MCOLN2: variants seen among roughly 807,000 people sequenced by gnomAD.
MCOLN2 encodes the protein mucolipin-2.
In MCOLN2, 57 loss-of-function variants were observed where a neutral mutation model predicts 67.5. The observed-to-expected ratio is 0.84, with a 90% confidence interval of 0.68 to 1.05. The LOEUF (loss-of-function observed/expected upper bound fraction) is 1.05, where lower values mean the gene tolerates loss of function less well. Ranked by LOEUF, MCOLN2 falls within the 50% of genes least tolerant of loss-of-function variation. The pLI is 0.00. For missense variants in MCOLN2, 620 were observed against 678.8 expected (o/e 0.91, Z 0.96); for synonymous variants, 246 against 233.3 (o/e 1.05, Z -0.50).
intron 3 of MCOLN2, among the ~76,000 whole-genome samples, chr1:84,956,979 G>A (rs645435): frequency 6.6e-6 from 1 of 151,776 alleles, no homozygotes. Context: ...GTACATACCC[G>A]CTCGGTTTAC....
chr1:84,996,738 G>T, intron 1 of MCOLN2, 58 bp downstream of exon 1: 1 of 1,494,754 alleles, frequency 6.7e-7, no homozygotes, highest in East Asian at 2.3e-5. Context: ...TAAAGCCATC[G>T]ACTTTAGGAA....
chr1:84,981,573 G>A (rs1240125878), intron 1 of MCOLN2, among the ~76,000 whole-genome samples: 1 of 152,174 alleles, frequency 6.6e-6, no homozygotes, highest in South Asian at 2.1e-4. Context: ...AATACCGTAT[G>A]TTCTCACTTA....
intron 1 of MCOLN2, among the ~76,000 whole-genome samples, chr1:84,984,429 G>C (rs1172727161): frequency 6.6e-6 from 1 of 151,940 alleles, no homozygotes; most frequent in Non-Finnish European, 1.5e-5. Context: ...AATCTACCTG[G>C]TTGCTTTCTA....
chr1:84,929,113 C>T (rs1333836836), intron 13 of MCOLN2, among the ~76,000 whole-genome samples: 4 of 152,200 alleles, frequency 2.6e-5, no homozygotes, highest in Non-Finnish European at 5.9e-5. Context: ...CTGGTGTGCA[C>T]GGATAAGCAA....
chr1:84,954,696 T>C (rs1278089319), intron 4 of MCOLN2, among the ~76,000 whole-genome samples: 1 of 152,148 alleles, frequency 6.6e-6, no homozygotes, highest in Non-Finnish European at 1.5e-5. Flanking sequence ...GAGCACATAT[T>C]TTAGAAGAAC....
At chr1:84,974,377 G>T (rs1432380234) in intron 1 of MCOLN2, among the ~76,000 whole-genome samples, 1 of 151,546 alleles carries the variant, frequency 6.6e-6, no homozygotes, top group Non-Finnish European at 1.5e-5. Flanking sequence ...CTCCAAAAAA[G>T]ATCCCTTCCT....
intron 4 of MCOLN2, among the ~76,000 whole-genome samples, chr1:84,953,946 C>T (rs1248439793): frequency 6.6e-6 from 1 of 152,124 alleles, no homozygotes; most frequent in Non-Finnish European, 1.5e-5. Flanking sequence ...AAAGTTGGGG[C>T]CTTGTGCAGT....
At chr1:84,941,031 A>G in intron 7 of MCOLN2, 40 bp from the exon 8 acceptor site, 2 of 1,299,134 alleles carry the variant, frequency 1.5e-6, no homozygotes, top group Non-Finnish European at 2.2e-6. Flanking sequence ...AACACACCTT[A>G]CCGGAGAATA....
At chr1:84,954,398 A>T (rs1181760149) in intron 4 of MCOLN2, among the ~76,000 whole-genome samples, 1 of 152,250 alleles carries the variant, frequency 6.6e-6, no homozygotes, top group South Asian at 2.1e-4. Flanking sequence ...GCAGGAAAAG[A>T]CTGATGATAG....
chr1:84,937,934 T>G, intron 10 of MCOLN2, 47 bp downstream of exon 10: 17 of 1,613,464 alleles, frequency 1.1e-5, no homozygotes, highest in Non-Finnish European at 1.4e-5. Context: ...ACCCAAAGAA[T>G]AAATGAGTCT....
intron 1 of MCOLN2, among the ~76,000 whole-genome samples, chr1:84,984,785 A>C (rs2102882938): frequency 6.6e-6 from 1 of 152,306 alleles, no homozygotes; most frequent in African/African-American, 2.4e-5. Flanking sequence ...ACTTGAGCTC[A>C]GGAGTTTGAG....
intron 11 of MCOLN2, among the ~76,000 whole-genome samples, chr1:84,931,912 T>C (rs1445022528): frequency 2.0e-5 from 3 of 151,182 alleles, no homozygotes; most frequent in African/African-American, 7.3e-5. Flanking sequence ...TAGTCCCAGC[T>C]ATTCAGGAGG....
At chr1:84,950,864 A>G (rs1486633717) in intron 6 of MCOLN2, among the ~76,000 whole-genome samples, 1 of 152,216 alleles carries the variant, frequency 6.6e-6, no homozygotes, top group Non-Finnish European at 1.5e-5. Context: ...CTGGCACTCA[A>G]GATCTCTGTT....
chr1:84,991,824 A>C (rs1411340394), intron 1 of MCOLN2, among the ~76,000 whole-genome samples: 1 of 152,200 alleles, frequency 6.6e-6, no homozygotes, highest in East Asian at 1.9e-4. Context: ...AAACTAGAAG[A>C]AACAGTTCTC....
rs139874675 is a variant in MCOLN2 at position 84,965,809 on chromosome 1, G to T, written c.78-101C>A. 2,647 of 959,578 alleles carry T rather than the reference G, an allele frequency of 2.8e-3. 42 individuals carry two copies. In the African/African-American group the frequency reaches 0.039, roughly 14 times the overall value. 59.4% of individuals were successfully genotyped at this position (959,578 alleles called of 1,614,324 possible). A position where few individuals can be genotyped will look rare whatever the true frequency, so the allele number is the denominator to read the frequency against. ...AAACTTGAGTTGGTACATATGGCAT[G>T]TCATATACTGAAAAGCCTCTTTATG... On this transcript the variant is annotated intron_variant, in intron 1 of 13. Transcript: ENST00000370608.
intron 7 of MCOLN2, among the ~76,000 whole-genome samples, chr1:84,945,128 G>A (rs1470876184): frequency 6.6e-6 from 1 of 152,164 alleles, no homozygotes; most frequent in Non-Finnish European, 1.5e-5. Flanking sequence ...TTGGCCACAG[G>A]AGGGGGCTAG....
At chr1:84,987,512 A>ATC (rs1360783885) in intron 1 of MCOLN2, among the ~76,000 whole-genome samples, 17 of 41,786 alleles carry the variant, frequency 4.1e-4, no homozygotes, top group East Asian at 1.0e-3. Flanking sequence ...AGATGTATAC[A>ATC]TATGTATATA....
chr1:84,927,509 T>A (rs1306743335), intron 13 of MCOLN2, among the ~76,000 whole-genome samples: 2 of 152,210 alleles, frequency 1.3e-5, no homozygotes, highest in African/African-American at 4.8e-5. Context: ...TTAATGGCAG[T>A]GTCCAAAATG....
At chr1:84,939,824 G>T in intron 8 of MCOLN2, 122 bp from the exon 9 acceptor site, 1 of 956,086 alleles carries the variant, frequency 1.0e-6, no homozygotes, top group Non-Finnish European at 1.6e-6. Context: ...CAATTTGCCA[G>T]ATCCACCTCG....
Sources: allele counts gnomAD v4.1 joint callset (sites outside exome capture counted in the v4.1 genomes callset), GRCh38; gene constraint gnomAD v4.1.1; transcripts MANE v1.5; gene names NCBI Gene and HGNC (gene_info 2026-07-23, HGNC 2026-07-21).